The following DYM variants were observed in gnomAD, a reference collection of about 807,000 sequenced individuals.
DYM encodes the protein dymeclin.
DYM carries 78 observed loss-of-function variants against 93.1 expected under a neutral mutation model. That is an observed-to-expected ratio of 0.84 (90% CI 0.70 to 1.01). The LOEUF (loss-of-function observed/expected upper bound fraction) is 1.01. Among genes scored for constraint, DYM ranks in the 50% least tolerant of loss-of-function variants. DYM has a pLI of 0.00. For missense variants in DYM, 789 were observed against 845.0 expected, an observed-to-expected ratio of 0.93 and a Z score of 0.82; for synonymous variants, 321 against 319.7, an observed-to-expected ratio of 1.00 and a Z score of -0.04.
At chr18:49,447,101 G>A (rs2082155807) in intron 1 of DYM, among the ~76,000 whole-genome samples, 2 of 151,850 alleles carry the variant, frequency 1.3e-5, no homozygotes, top group Admixed American at 6.6e-5. Flanking sequence ...GGACAAGAAG[G>A]GTTGGCCTGG....
chr18:49,428,303 A>G (rs1412806320), intron 2 of DYM, among the ~76,000 whole-genome samples: 1 of 151,988 alleles, frequency 6.6e-6, no homozygotes, highest in Admixed American at 6.6e-5. Flanking sequence ...TAGAAGAAAA[A>G]AAAAGAAAGA....
chr18:49,170,965 T>C (rs1451173729), intron 14 of DYM, among the ~76,000 whole-genome samples: 3 of 151,858 alleles, frequency 2.0e-5, no homozygotes, highest in Non-Finnish European at 4.4e-5. Context: ...AGCTGTCAAA[T>C]AGTAAAGTAG....
rs1202246726 is a variant in DYM, at chr18:49,044,054, C to T, written c.*1G>A. ...GGTCCGGGTGGGAGAGCATCCTGCC[C>T]TCAGTCGGAATCCATGGTGAACAGC... On this transcript the variant is annotated 3_prime_UTR_variant, in exon 18 of 18. Coordinates refer to ENST00000675505, the MANE Select transcript of DYM (RefSeq NM_001353214.3). 1.9e-6 allele frequency: 3 copies of T among 1,613,152 alleles called. No individual in the cohort carries two copies. Among genetic ancestry groups the T allele is most frequent in the Non-Finnish European group, 2.5e-6 (3 of 1,180,010 alleles).
intron 14 of DYM, among the ~76,000 whole-genome samples, chr18:49,177,432 C>T (rs2089507842): frequency 6.6e-6 from 1 of 152,118 alleles, no homozygotes; most frequent in African/African-American, 2.4e-5. Flanking sequence ...GTGTTGGACC[C>T]TTAATTTGAG....
At chr18:49,157,501 T>G (rs746000892) in intron 15 of DYM, among the ~76,000 whole-genome samples, 17 of 152,190 alleles carry the variant, frequency 1.1e-4, no homozygotes, top group Non-Finnish European at 1.8e-4. Flanking sequence ...GTTCTGGCCA[T>G]CATAGTACAG....
chr18:49,422,168 C>T (rs990361186), intron 2 of DYM, among the ~76,000 whole-genome samples: 2 of 152,148 alleles, frequency 1.3e-5, no homozygotes, highest in Non-Finnish European at 2.9e-5. Context: ...CACAAAGATA[C>T]TCCTCAAGAA....
chr18:49,053,878 T>C (rs1054170079), intron 17 of DYM, among the ~76,000 whole-genome samples: 1 of 152,200 alleles, frequency 6.6e-6, no homozygotes, highest in Non-Finnish European at 1.5e-5. Context: ...GAATAACTTC[T>C]GCTCCTTGAA....
intron 15 of DYM, among the ~76,000 whole-genome samples, chr18:49,161,498 C>T (rs1335433369): frequency 6.6e-6 from 1 of 152,140 alleles, no homozygotes. Context: ...AAAACATTTG[C>T]AGATGACCCA....
rs545076528 is a variant in DYM at position 49,389,984 on chromosome 18, T to C, written c.193+1609A>G. Among the ~76,000 whole-genome samples, 3 of 152,304 alleles carry C rather than the reference T, an allele frequency of 2.0e-5. No homozygotes were observed. The East Asian group carries it at 5.8e-4, about 29-fold the overall frequency. On this transcript the variant is annotated intron_variant, in intron 3 of 17. Coordinates refer to ENST00000675505, the MANE Select transcript of DYM (RefSeq NM_001353214.3). The stretch of plus-strand genomic sequence containing the variant: ...CTACACTAATATTGTTACATAAAAC[T>C]CCTTAATTTTCAGCACTGAATTGCG...
intron 8 of DYM, among the ~76,000 whole-genome samples, chr18:49,325,087 C>T (rs1318336628): frequency 6.6e-6 from 1 of 152,022 alleles, no homozygotes; most frequent in East Asian, 1.9e-4. Flanking sequence ...AATAATAATC[C>T]AGGGTGAGAT....
At chr18:49,276,942 G>T (rs756958187) in intron 10 of DYM, among the ~76,000 whole-genome samples, 5 of 152,104 alleles carry the variant, frequency 3.3e-5, no homozygotes, top group Non-Finnish European at 5.9e-5. Context: ...TGAGGAAAAA[G>T]AACACTAATA....
At chr18:49,397,991 CAATTA>C (rs2070321559) in intron 2 of DYM, among the ~76,000 whole-genome samples, 1 of 152,082 alleles carries the variant, frequency 6.6e-6, no homozygotes, top group Admixed American at 6.6e-5. Context: ...AACCTCCCAG[CAATTA>C]AAGAGTGTCA....
At chr18:49,108,517 T>C (rs547231971) in intron 16 of DYM, among the ~76,000 whole-genome samples, 1 of 152,352 alleles carries the variant, frequency 6.6e-6, no homozygotes, top group Non-Finnish European at 1.5e-5. Flanking sequence ...AGCTGTAGAC[T>C]GGAGCTGTTC....
intron 1 of DYM, among the ~76,000 whole-genome samples, chr18:49,438,431 GA>G (rs1229787030): frequency 1.3e-5 from 2 of 152,150 alleles, no homozygotes; most frequent in South Asian, 2.1e-4. Context: ...CAGGCGGCCA[GA>G]AGCTGTGAAG....
rs951354771 is a variant in DYM at position 49,097,652 on chromosome 18, A to G, written c.1912-137T>C. 4.3e-5 allele frequency: 34 copies of G among 798,904 alleles called. No individual in the cohort carries two copies. The Admixed American group carries it at 5.8e-4, about 14-fold the overall frequency. The allele number at this position is 798,904 out of a possible 1,614,324, so 49.5% of individuals were successfully genotyped here. A position where few individuals can be genotyped will look rare whatever the true frequency, so the allele number is the denominator to read the frequency against. ...CGGCTTTTAATTCACTAGCCCTCCT[A>G]AACGCAGTTTGCTCTCCGTTGGGTT... On this transcript the variant is annotated intron_variant, in intron 16 of 17. Transcript: ENST00000675505.
chr18:49,283,444 A>G (rs756690112), intron 9 of DYM, among the ~76,000 whole-genome samples: 1 of 151,876 alleles, frequency 6.6e-6, no homozygotes, highest in Non-Finnish European at 1.5e-5. Flanking sequence ...TTTTTAAAGT[A>G]CAGTCACTGG....
chr18:49,432,345 AAAAG>A (rs1342909412), intron 1 of DYM, among the ~76,000 whole-genome samples: 3 of 150,586 alleles, frequency 2.0e-5, no homozygotes, highest in Admixed American at 6.6e-5. Flanking sequence ...AAAAAAAAAA[AAAAG>A]AAAGAAAGAA....
At chr18:49,293,858 G>C (rs202247044) in intron 8 of DYM, among the ~76,000 whole-genome samples, 1 of 152,130 alleles carries the variant, frequency 6.6e-6, no homozygotes, top group East Asian at 1.9e-4. Flanking sequence ...TGTTGTCATT[G>C]CTTTTGATGT....
chr18:49,261,410 C>T (rs2094488255), intron 11 of DYM, among the ~76,000 whole-genome samples: 1 of 152,202 alleles, frequency 6.6e-6, no homozygotes, highest in Non-Finnish European at 1.5e-5. Context: ...GAGGCTCACG[C>T]CTGTAATCCC....
Sources: allele counts gnomAD v4.1 joint callset (sites outside exome capture counted in the v4.1 genomes callset), GRCh38; gene constraint gnomAD v4.1.1; transcripts MANE v1.5; gene names NCBI Gene and HGNC (gene_info 2026-07-23, HGNC 2026-07-21).